ITGA2B: variants seen among roughly 807,000 people sequenced by gnomAD.
The protein encoded by ITGA2B is integrin subunit alpha 2b.
ITGA2B carries 91 observed loss-of-function variants against 142.0 expected under a neutral mutation model. The ratio of observed to expected loss-of-function variants is 0.64; its 90% CI spans 0.54 to 0.76. The LOEUF (loss-of-function observed/expected upper bound fraction) is 0.76. ITGA2B is among the 30% of genes least tolerant of loss of function. The probability of loss-of-function intolerance (pLI) is 0.00; values close to 1 mark genes in which losing one functional copy is unlikely to be tolerated. For missense variants in ITGA2B, 1,231 were observed against 1,350.8 expected, an observed-to-expected ratio of 0.91 and a Z score of 1.39; for synonymous variants, 536 against 567.2, an observed-to-expected ratio of 0.94 and a Z score of 0.78.
At chr17:44,389,211 A>G (rs2048676963) in intron 1 of ITGA2B, 75 bp downstream of exon 1, 1 of 1,531,994 alleles carries the variant, frequency 6.5e-7, no homozygotes, top group South Asian at 1.1e-5. Flanking sequence ...CAAATGGGAA[A>G]CTCGAAGCCC....
rs891999462 is a variant in ITGA2B, at chr17:44,378,432, G to C, written c.2024C>G (p.Ala675Gly). 5.0e-6 allele frequency: 8 copies of C among 1,613,272 alleles called. No individual in the cohort carries two copies. Among genetic ancestry groups the C allele is most frequent in the Non-Finnish European group, 6.8e-6 (8 of 1,179,906 alleles). Reference sequence around the variant, plus strand: ...GTGCACGGCCAGCTCTGCTTCATAGGCCCCCTCGCCCTCGTTGGCTGCGTC... The same window carrying C: ...GTGCACGGCCAGCTCTGCTTCATAGCCCCCCTCGCCCTCGTTGGCTGCGTC... ...QMDAANEGEG[A>G]YEAELAVHLP... The change falls in exon 20 of 30, where the codon GCC becomes GGC. Residue 675 changes from alanine (A) to glycine (G), a missense_variant. Physicochemically the swap from Ala to Gly is moderately conservative, Grantham distance 60 (BLOSUM62 0). Coordinates refer to ENST00000262407, the MANE Select transcript of ITGA2B (RefSeq NM_000419.5).
At chr17:44,378,977 G>A (rs868126693) in intron 18 of ITGA2B, among the ~76,000 whole-genome samples, 5 of 152,132 alleles carry the variant, frequency 3.3e-5, no homozygotes, top group African/African-American at 9.7e-5. Flanking sequence ...ACGGAGTCTC[G>A]CTCTGTCGTC....
chr17:44,376,171 C>G lies in ITGA2B; in HGVS notation c.2362G>C (p.Ala788Pro). 1 of 1,614,158 alleles carries G rather than the reference C, an allele frequency of 6.2e-7. No individual in the cohort carries two copies. Among genetic ancestry groups the G allele is most frequent in the South Asian group, 1.1e-5 (1 of 91,080 alleles). Residue 788 changes from alanine to proline, a missense_variant, in exon 24 of 30, where the codon GCC (alanine) becomes CCC (proline). Around this residue, in one of 3 missense-constraint regions of ITGA2B, gnomAD observed 908 missense variants for 1,021.1 expected, o/e 0.89. Transcript: ENST00000262407. ...TCTTCTGCTGCCACCACCAGGGAGG[C>G]TGGAAAGGAGTTCCTGCAGGTGCCC... ...QVELRGNSFP[A>P]SLVVAAEEGE...
rs2048535371 is a variant in ITGA2B at position 44,375,676 on chromosome 17, T to C, written c.2642A>G (p.His881Arg). Residue 881 changes from histidine to arginine, a missense_variant, in exon 26 of 30, where the codon CAC becomes CGC. His to Arg is a conservative substitution (Grantham distance 29). Coordinates refer to ENST00000262407, the MANE Select transcript of ITGA2B (RefSeq NM_000419.5). ...GLPIPSPSPI[H>R]PAHHKRDRRQ... Reference sequence around the variant, plus strand: ...GCGATCCCGCTTGTGATGGGCCGGGTGAATGGGGGAGGGGCTGGGGATGGG... The same window carrying C: ...GCGATCCCGCTTGTGATGGGCCGGGCGAATGGGGGAGGGGCTGGGGATGGG... 6.2e-7 allele frequency: 1 copy of C among 1,606,034 alleles called. No individual in the cohort carries two copies.
intron 21 of ITGA2B, 110 bp from the exon 22 acceptor site, chr17:44,377,198 C>CA: frequency 1.4e-6 from 1 of 702,262 alleles, no homozygotes; most frequent in Non-Finnish European, 2.4e-6. Context: ...TATTCTTTTT[C>CA]TTTTTTTTTT....
chr17:44,375,115 A>AG lies in ITGA2B; in HGVS notation c.2728-5dup. On this transcript the variant is annotated splice_polypyrimidine_tract_variant and splice_region_variant and intron_variant, in intron 26 of 29. Transcript: ENST00000262407. Reference sequence around the variant, plus strand: ...TACAGGGCGCCGAGTCGCAGCTCTGAGGGGAAGCATCGTCAGTCCCCAGCC... The same window carrying AG: ...TACAGGGCGCCGAGTCGCAGCTCTGAGGGGGAAGCATCGTCAGTCCCCAGCC... 3.9e-6 allele frequency: 6 copies of AG among 1,548,348 alleles called. No homozygotes were observed. The highest frequency in any genetic ancestry group is 5.2e-6 in the Non-Finnish European group (6 of 1,146,280).
In ITGA2B at chr17:44,383,882, G is replaced by A. The variant is rs748338432; in HGVS notation, c.998+12C>T. 3.1e-6 allele frequency: 5 copies of A among 1,613,064 alleles called. No homozygotes were observed. The highest frequency in any genetic ancestry group is 4.2e-6 in the Non-Finnish European group (5 of 1,179,890). On this transcript the variant is annotated intron_variant, in intron 11 of 29. Transcript: ENST00000262407. ...ACCCAACTGGGTAGGGGTGGGGCAT[G>A]TCCCTCCTCACCCATCCCCGTTGAC...
chr17:44,384,620 G>C (rs554920295), intron 7 of ITGA2B, 35 bp from the exon 8 acceptor site: 5 of 1,612,480 alleles, frequency 3.1e-6, no homozygotes, highest in African/African-American at 1.3e-5. Context: ...CTTTTCCAGG[G>C]GAGGAAGCAC....
At position 44,375,974 on chromosome 17, in the gene ITGA2B, ATTG is replaced by A. The variant is rs1567898786; in HGVS notation, c.2457_2459del (p.Asn820del). 2 of 1,613,948 alleles carry A rather than the reference ATTG, an allele frequency of 1.2e-6. No homozygotes were observed. Among genetic ancestry groups the A allele is most frequent in the East Asian group, 2.2e-5 (1 of 44,866 alleles). ...GAAGACCATTCACAGTCCCAGGGCC[ATTG>A]TTGTGGAGCTGAAGGGGTGGTGGTG... is the stretch of plus-strand genomic sequence containing the variant. On this transcript the variant is annotated inframe_deletion, in exon 25 of 30. Coordinates refer to ENST00000262407, the MANE Select transcript of ITGA2B (RefSeq NM_000419.5).
At chr17:44,382,776 G>A (rs780280900) in intron 12 of ITGA2B, among the ~76,000 whole-genome samples, 4 of 152,116 alleles carry the variant, frequency 2.6e-5, no homozygotes, top group Admixed American at 6.5e-5. Context: ...TCCTGTGCAT[G>A]CTCTTTAACG....
In ITGA2B at chr17:44,385,643, C is replaced by T. The variant is rs1341916693; in HGVS notation, c.482G>A (p.Cys161Tyr). 3.1e-6 allele frequency: 5 copies of T among 1,613,460 alleles called. No individual in the cohort carries two copies. Among genetic ancestry groups the T allele is most frequent in the Non-Finnish European group, 3.4e-6 (4 of 1,180,022 alleles). The change falls in exon 4 of 30, where the codon TGC becomes TAC. Residue 161 changes from cysteine (C) to tyrosine (Y), a missense_variant. By Grantham distance (194) the Cys-to-Tyr change is radical. Around this residue, in one of 3 missense-constraint regions of ITGA2B, gnomAD observed 318 missense variants for 312.2 expected, o/e 1.02. Transcript: ENST00000262407. Reference protein sequence around the residue: ...EEAEKTPVGSCFLAQPESGRR... With the variant: ...EEAEKTPVGSYFLAQPESGRR... ...GCCGCTCTCTGGCTGAGCCAAAAAG[C>T]AGCTACCTACGGGCGTCTTCTCAGC... is the stretch of plus-strand genomic sequence containing the variant.
chr17:44,381,157 G>T, intron 12 of ITGA2B, 96 bp from the exon 13 acceptor site: 3 of 1,228,410 alleles, frequency 2.4e-6, no homozygotes, highest in Non-Finnish European at 3.4e-6. Context: ...CATCCCAGGA[G>T]ACTAGGAAAG....
rs1039540511 is a variant in ITGA2B, at chr17:44,379,880, G to A, written c.1753-66C>T. On this transcript the variant is annotated intron_variant, in intron 17 of 29. Transcript: ENST00000262407. Reference sequence around the variant, plus strand: ...ACATCCCACCTTCTCCTGGCCAGTAGGCACCGTGTCCTGACCACCCCCGGA... The same window carrying A: ...ACATCCCACCTTCTCCTGGCCAGTAAGCACCGTGTCCTGACCACCCCCGGA... The A allele has an allele frequency of 2.5e-6, 4 of 1,612,700 alleles. No individual in the cohort carries two copies. The African/African-American group carries it at 5.3e-5, about 22-fold the overall frequency.
chr17:44,388,755 G>C (rs1196157677), intron 1 of ITGA2B, among the ~76,000 whole-genome samples: 3 of 151,342 alleles, frequency 2.0e-5, no homozygotes, highest in Non-Finnish European at 4.4e-5. Flanking sequence ...CTGACCTCAT[G>C]ATCTGCCCAC....
Position 44,381,058 on chromosome 17 carries a change from A to G in ITGA2B, c.1214T>C (p.Ile405Thr), listed in dbSNP as rs75622274. The change falls in exon 13 of 30, where the codon ATT becomes ACT. Residue 405 changes from isoleucine to threonine, a missense_variant. Ile to Thr is a moderately conservative substitution (Grantham distance 89). Transcript: ENST00000262407. Reference protein sequence around the residue: ...GDLDRDGYNDIAVAAPYGGPS... With the variant: ...GDLDRDGYNDTAVAAPYGGPS... ...ACCCCCGTAGGGGGCAGCCACTGCA[A>G]TGTCTGGAAGGAGTAACAGAAAGGA... 3 of 1,613,358 alleles carry G rather than the reference A, an allele frequency of 1.9e-6. No homozygotes were observed. The highest frequency in any genetic ancestry group is 2.5e-6 in the Non-Finnish European group (3 of 1,179,672).
In ITGA2B at chr17:44,375,555, G is replaced by A. The variant is rs746072724; in HGVS notation, c.2727+36C>T. 3.7e-6 allele frequency: 6 copies of A among 1,609,996 alleles called. No homozygotes were observed. In the East Asian group the frequency reaches 1.1e-4, roughly 30 times the overall value. On this transcript the variant is annotated intron_variant, in intron 26 of 29. Coordinates refer to ENST00000262407, the MANE Select transcript of ITGA2B (RefSeq NM_000419.5). ...CCATCCCCTCTGCCCCGTGGGTCCC[G>A]GGGAGGCCGGGCCAGAGACCAGAGA... is the stretch of plus-strand genomic sequence containing the variant.
Position 44,380,162 on chromosome 17 carries a change from G to A in ITGA2B, c.1601-9C>T, listed in dbSNP as rs771432207. The A allele has an allele frequency of 7.4e-6, 12 of 1,613,412 alleles. No homozygotes were observed. The highest frequency in any genetic ancestry group is 1.7e-6 in the Non-Finnish European group (2 of 1,179,932). On this transcript the variant is annotated splice_polypyrimidine_tract_variant and intron_variant, in intron 16 of 29. Transcript: ENST00000262407. ...CAGCTCGGCATTTAGGGCTGGCAGGGCAAGCAGAAGAGTCAGGACCTCCCT... is the reference window on the plus strand; with the variant it reads ...CAGCTCGGCATTTAGGGCTGGCAGGACAAGCAGAAGAGTCAGGACCTCCCT...
chr17:44,388,348 T>C (rs2048667709), intron 1 of ITGA2B, among the ~76,000 whole-genome samples: 1 of 141,888 alleles, frequency 7.0e-6, no homozygotes, highest in South Asian at 2.3e-4. Context: ...CCACATTTCC[T>C]TTCTTTTTTT....
chr17:44,388,818 C>CTCTTT (rs2048673095), intron 1 of ITGA2B, among the ~76,000 whole-genome samples: 1 of 132,200 alleles, frequency 7.6e-6, no homozygotes, highest in African/African-American at 2.9e-5. Context: ...TGCCTGGTCT[C>CTCTTT]TTTTTTTTTT....
Sources: gnomAD v4.1 joint callset for allele counts (sites outside exome capture counted in the v4.1 genomes callset) on GRCh38, gnomAD v4.1.1 for gene constraint, gnomAD v4.1.1 regional missense constraint, MANE v1.5 for transcripts, NCBI Gene and HGNC (gene_info 2026-07-23, HGNC 2026-07-21) for gene names.